The following HEPH variants were observed in gnomAD, a reference collection of about 807,000 sequenced individuals.
HEPH encodes the protein hephaestin.
Under a neutral mutation model 80.8 loss-of-function variants are expected in HEPH, and 69 were observed. That is an observed-to-expected ratio of 0.85 (90% CI 0.70 to 1.04). The LOEUF is 1.04. HEPH is among the 50% of genes least tolerant of loss of function. The probability of loss-of-function intolerance (pLI) is 0.00; values close to 1 mark genes in which losing one functional copy is unlikely to be tolerated. For synonymous variants in HEPH, 431 were observed against 322.8 expected, an observed-to-expected ratio of 1.34 and a Z score of -3.60; for missense variants, 1,115 against 891.3, an observed-to-expected ratio of 1.25 and a Z score of -3.20.
chrX:66,195,424 A>G (rs762926817), intron 9 of HEPH, among the ~76,000 whole-genome samples, 195 bp downstream of exon 9: 3 of 111,705 alleles, frequency 2.7e-5, no homozygotes, highest in African/African-American at 6.5e-5. Flanking sequence ...TTTTAAATAT[A>G]TTTAAATATA....
chrX:66,264,116 C>T (rs759760074), intron 20 of HEPH, among the ~76,000 whole-genome samples: 7 of 109,533 alleles, frequency 6.4e-5, no homozygotes, highest in Non-Finnish European at 1.3e-4. Context: ...AGTAGAAGGG[C>T]AGTGAGGAAT....
intron 10 of HEPH, 93 bp downstream of exon 10, chrX:66,197,987 GT>G: frequency 2.7e-6 from 2 of 737,367 alleles, no homozygotes; most frequent in Non-Finnish European, 4.0e-6. Flanking sequence ...GGGTTCTAAA[GT>G]TTAGGGAATA....
At chrX:66,199,584 TCAGG>T (rs1289505874) in intron 11 of HEPH, among the ~76,000 whole-genome samples, 4 of 112,029 alleles carry the variant, frequency 3.6e-5, no homozygotes, top group African/African-American at 9.7e-5. Flanking sequence ...TGCTAGGTGC[TCAGG>T]CAGTCACATA....
chrX:66,177,507 A>G (rs2086862831), intron 4 of HEPH, among the ~76,000 whole-genome samples: 1 of 112,022 alleles, frequency 8.9e-6, no homozygotes, highest in Admixed American at 9.5e-5. Flanking sequence ...GTTTATGTGC[A>G]GAAAGGTGTT....
chrX:66,173,584 T>C lies in HEPH; in HGVS notation c.413-5T>C. The C allele has an allele frequency of 8.3e-7, 1 of 1,197,631 alleles. No homozygotes were observed. Among genetic ancestry groups the C allele is most frequent in the Non-Finnish European group, 1.1e-6 (1 of 884,371 alleles). Reference sequence around the variant, plus strand: ...GGGCCTGTGCATGTACAATTTCATTTCTAGGTTCCCTATACCCAGATGGCT... The same window carrying C: ...GGGCCTGTGCATGTACAATTTCATTCCTAGGTTCCCTATACCCAGATGGCT... On this transcript the variant is annotated splice_polypyrimidine_tract_variant and splice_region_variant and intron_variant, in intron 3 of 20. Transcript: ENST00000343002.
At chrX:66,243,265 G>C (rs961902868) in intron 15 of HEPH, among the ~76,000 whole-genome samples, 2 of 111,949 alleles carry the variant, frequency 1.8e-5, no homozygotes, top group Non-Finnish European at 3.8e-5. Context: ...ACTTATAAGT[G>C]GGAGCTAAAC....
chrX:66,164,508 C>G (rs991224907), intron 1 of HEPH, 38 bp downstream of exon 1: 58 of 745,707 alleles, frequency 7.8e-5, no homozygotes, highest in Non-Finnish European at 9.2e-5. Flanking sequence ...CTCTACCTCA[C>G]CTGCCTTCCT....
intron 17 of HEPH, among the ~76,000 whole-genome samples, chrX:66,257,521 C>T (rs1250007248): frequency 2.7e-5 from 3 of 112,288 alleles, no homozygotes; most frequent in Non-Finnish European, 5.6e-5. Flanking sequence ...AATTGAAAAA[C>T]TGATTTCAGT....
chrX:66,174,061 C>T (rs1441802622), intron 4 of HEPH, among the ~76,000 whole-genome samples: 1 of 109,175 alleles, frequency 9.2e-6, no homozygotes, highest in Non-Finnish European at 1.9e-5. Flanking sequence ...TATTTGGTTA[C>T]ATGAATAAGT....
intron 15 of HEPH, among the ~76,000 whole-genome samples, chrX:66,254,044 TA>T (rs34136679): frequency 6.4e-4 from 71 of 111,507 alleles, no homozygotes; most frequent in African/African-American, 2.1e-3. Flanking sequence ...GGTAATATAC[TA>T]AAAACATTGA....
chrX:66,206,339 C>CTTTTT (rs760184190), intron 13 of HEPH, among the ~76,000 whole-genome samples: 347 of 14,080 alleles, frequency 0.025, 145 homozygotes, highest in Non-Finnish European at 0.038. Context: ...AACCTGCCAT[C>CTTTTT]TTTTTTTTTT....
rs190118684 is a variant in HEPH at position 66,191,513 on chromosome X, C to A, written c.1064-617C>A. Among the ~76,000 whole-genome samples, 97 of 111,815 alleles carry A rather than the reference C, an allele frequency of 8.7e-4. No individual in the cohort carries two copies. The East Asian group carries it at 0.011, about 13-fold the overall frequency. On this transcript the variant is annotated intron_variant, in intron 6 of 20. Coordinates refer to ENST00000343002, the MANE Select transcript of HEPH (RefSeq NM_001367233.3). ...GAGTGACCTCTATAAGTTGCTAAGC[C>A]AATATAAGACAGTACCATCCATTGC... is the stretch of plus-strand genomic sequence containing the variant.
intron 13 of HEPH, among the ~76,000 whole-genome samples, chrX:66,204,669 G>C (rs2088662735): frequency 9.0e-6 from 1 of 111,624 alleles, no homozygotes; most frequent in African/African-American, 3.3e-5. Context: ...TACTGACTTT[G>C]AAAACACTAA....
At chrX:66,191,192 C>T (rs762370156) in intron 6 of HEPH, among the ~76,000 whole-genome samples, 8 of 111,595 alleles carry the variant, frequency 7.2e-5, no homozygotes, top group African/African-American at 2.3e-4. Flanking sequence ...ACTAGCTGTG[C>T]AACCTTGGGC....
intron 19 of HEPH, among the ~76,000 whole-genome samples, chrX:66,260,543 C>T (rs2091328880): frequency 8.9e-6 from 1 of 111,797 alleles, no homozygotes; most frequent in African/African-American, 3.3e-5. Flanking sequence ...TTGACCCAGC[C>T]TGAAACCGGT....
intron 19 of HEPH, 97 bp from the exon 20 acceptor site, chrX:66,263,547 G>T (rs1217396520): frequency 8.4e-6 from 8 of 948,488 alleles, no homozygotes; most frequent in Non-Finnish European, 1.0e-5. Context: ...TAATCACAGA[G>T]AAATTTCTGC....
At chrX:66,203,717 C>T (rs1235628850) in intron 13 of HEPH, 140 bp downstream of exon 13, 2 of 499,544 alleles carry the variant, frequency 4.0e-6, no homozygotes, top group Non-Finnish European at 6.6e-6. Context: ...GGCTATAATG[C>T]AGCTCTTATG....
intron 15 of HEPH, among the ~76,000 whole-genome samples, chrX:66,254,334 G>A (rs1325141609): frequency 2.7e-5 from 3 of 111,168 alleles, no homozygotes; most frequent in East Asian, 2.8e-4. Flanking sequence ...GTTGAATTAC[G>A]AAAGTGAAGA....
chrX:66,225,659 G>T (rs750371779), intron 15 of HEPH, among the ~76,000 whole-genome samples: 2 of 112,352 alleles, frequency 1.8e-5, no homozygotes, highest in Non-Finnish European at 3.8e-5. Context: ...CCTGCCATGC[G>T]CTGCTCTGGC....
Sources: gnomAD v4.1 joint callset for allele counts (sites outside exome capture counted in the v4.1 genomes callset) on GRCh38, gnomAD v4.1.1 for gene constraint, MANE v1.5 for transcripts, NCBI Gene and HGNC (gene_info 2026-07-23, HGNC 2026-07-21) for gene names.